The following RIGI variants were observed in gnomAD, a reference collection of about 807,000 sequenced individuals.
The protein encoded by RIGI is RNA sensor RIG-I.
At chr9:32,483,907 T>C in the RIGI span, among the ~76,000 whole-genome samples, 1 of 152,044 alleles carries the variant, frequency 6.6e-6, no homozygotes, top group African/African-American at 2.4e-5. Context: ...ACCAGCTGCT[T>C]TAGTATTAGT....
At chr9:32,519,894 A>C in the RIGI span, among the ~76,000 whole-genome samples, 2 of 152,184 alleles carry the variant, frequency 1.3e-5, no homozygotes, top group African/African-American at 2.4e-5. Context: ...AAATATGTAC[A>C]TACAAGTGTT....
chr9:32,521,104 C>CACTGT, the RIGI span, among the ~76,000 whole-genome samples: 1 of 123,328 alleles, frequency 8.1e-6, no homozygotes, highest in South Asian at 2.8e-4. Context: ...AAGATCGCAC[C>CACTGT]ACTGTAGCCT....
chr9:32,498,937 C>G, the RIGI span, among the ~76,000 whole-genome samples: 1 of 142,032 alleles, frequency 7.0e-6, no homozygotes, highest in African/African-American at 2.7e-5. Flanking sequence ...GAGCCAAGAT[C>G]GTGCCATTGC....
the RIGI span, among the ~76,000 whole-genome samples, chr9:32,518,795 C>T: frequency 6.6e-6 from 1 of 152,200 alleles, no homozygotes; most frequent in Non-Finnish European, 1.5e-5. Context: ...CATAGATATA[C>T]TATCATTACA....
chr9:32,508,239 A>ATTTTTTTTTTTTTTTTT, the RIGI span, among the ~76,000 whole-genome samples: 67 of 70,342 alleles, frequency 9.5e-4, 14 homozygotes, highest in African/African-American at 3.0e-3. Context: ...TATTTACTTA[A>ATTTTTTTTTTTTTTTTT]TTTTTTTTTT....
chr9:32,487,180 C>G, the RIGI span, among the ~76,000 whole-genome samples: 3 of 152,280 alleles, frequency 2.0e-5, no homozygotes, highest in African/African-American at 7.2e-5. Flanking sequence ...CTATCTGATG[C>G]CTAAATTCTC....
the RIGI span, among the ~76,000 whole-genome samples, chr9:32,512,414 A>G: frequency 2.0e-5 from 3 of 152,244 alleles, no homozygotes; most frequent in African/African-American, 7.2e-5. Context: ...CTGGTTCAAC[A>G]TATACAAATC....
the RIGI span, among the ~76,000 whole-genome samples, chr9:32,505,062 T>C: frequency 2.1e-5 from 3 of 144,090 alleles, no homozygotes; most frequent in Admixed American, 1.4e-4. Context: ...ATTTTATACA[T>C]TATATATTTT....
chr9:32,510,178 CAGG>C, the RIGI span, among the ~76,000 whole-genome samples: 1 of 152,112 alleles, frequency 6.6e-6, no homozygotes, highest in Non-Finnish European at 1.5e-5. Flanking sequence ...GGATGTTATC[CAGG>C]AGAACGTCCC....
the RIGI span, chr9:32,492,612 T>C: frequency 5.1e-5 from 79 of 1,534,260 alleles, no homozygotes; most frequent in Non-Finnish European, 6.9e-5. Context: ...ACTGAAGAAA[T>C]GTCAGTCATG....
At chr9:32,469,886 G>A in the RIGI span, among the ~76,000 whole-genome samples, 1 of 152,078 alleles carries the variant, frequency 6.6e-6, no homozygotes, top group African/African-American at 2.4e-5. Context: ...CTGCTCACAG[G>A]GCGGACCCAC....
chr9:32,507,130 A>G, the RIGI span, among the ~76,000 whole-genome samples: 2 of 152,322 alleles, frequency 1.3e-5, no homozygotes, highest in South Asian at 4.1e-4. Flanking sequence ...TTTAATTTCC[A>G]AAACACCCAA....
the RIGI span, chr9:32,473,074 G>GA: frequency 6.3e-7 from 1 of 1,584,684 alleles, no homozygotes; most frequent in Non-Finnish European, 8.6e-7. Context: ...GCCTGAAAAT[G>GA]AAAAGCAATT....
chr9:32,467,683 G>A, the RIGI span: 1 of 1,390,298 alleles, frequency 7.2e-7, no homozygotes, highest in South Asian at 1.7e-5. Flanking sequence ...TCAGTAAAGA[G>A]AAAGGCCAGA....
At chr9:32,482,246 G>C in the RIGI span, among the ~76,000 whole-genome samples, 14 of 151,856 alleles carry the variant, frequency 9.2e-5, no homozygotes, top group Admixed American at 6.6e-5. Flanking sequence ...TGTGTACCAA[G>C]AATCAAAGTA....
the RIGI span, among the ~76,000 whole-genome samples, chr9:32,508,449 C>T: frequency 3.3e-5 from 5 of 151,658 alleles, no homozygotes; most frequent in African/African-American, 1.2e-4. Flanking sequence ...CCACAGACAG[C>T]GAGCTGAAGC....
chr9:32,519,683 T>A, the RIGI span, among the ~76,000 whole-genome samples: 3 of 152,274 alleles, frequency 2.0e-5, no homozygotes, highest in East Asian at 5.8e-4. Context: ...GTCTTAATAT[T>A]CAGAAAAAAA....
the RIGI span, among the ~76,000 whole-genome samples, chr9:32,472,734 T>A: frequency 1.3e-5 from 2 of 152,236 alleles, no homozygotes; most frequent in Non-Finnish European, 1.5e-5. Flanking sequence ...GAAATCTCTG[T>A]ATATATGCAT....
chr9:32,494,902 C>T, the RIGI span, among the ~76,000 whole-genome samples: 9 of 151,882 alleles, frequency 5.9e-5, no homozygotes, highest in African/African-American at 2.2e-4. Flanking sequence ...GTGTATATCA[C>T]ATTTTGTTGA....
Sources: gnomAD v4.1 joint callset for allele counts (sites outside exome capture counted in the v4.1 genomes callset) on GRCh38, gnomAD v4.1.1 for gene constraint, MANE v1.5 for transcripts, NCBI Gene and HGNC (gene_info 2026-07-23, HGNC 2026-07-21) for gene names.